The following SLC14A1 variants were observed in gnomAD, a reference collection of about 807,000 sequenced individuals.
SLC14A1 encodes urea transporter 1.
Under a neutral mutation model 39.6 loss-of-function variants are expected in SLC14A1, and 36 were observed. The ratio of observed to expected loss-of-function variants is 0.91; its 90% CI spans 0.70 to 1.20. SLC14A1 has a LOEUF of 1.20. Ranked by LOEUF, SLC14A1 falls within the 50% of genes most tolerant of loss-of-function variation. SLC14A1 has a pLI of 0.00. For missense variants in SLC14A1, 469 were observed against 478.7 expected (o/e 0.98, Z 0.19); for synonymous variants, 164 against 173.6 (o/e 0.94, Z 0.43).
intron 5 of SLC14A1, among the ~76,000 whole-genome samples, chr18:45,735,510 C>T (rs1262419709): frequency 6.6e-6 from 1 of 151,940 alleles, no homozygotes; most frequent in East Asian, 1.9e-4. Context: ...TTGACAATGT[C>T]TTACATCCTT....
chr18:45,740,411 A>G (rs917205051), intron 8 of SLC14A1, among the ~76,000 whole-genome samples: 6 of 151,968 alleles, frequency 3.9e-5, no homozygotes, highest in South Asian at 2.1e-4. Flanking sequence ...TCAGCGTCAG[A>G]GATAAGGGGA....
intron 2 of SLC14A1, among the ~76,000 whole-genome samples, chr18:45,726,251 T>C (rs2046859283): frequency 6.6e-6 from 1 of 152,184 alleles, no homozygotes; most frequent in Non-Finnish European, 1.5e-5. Flanking sequence ...TGTGGATTTT[T>C]CTGAGTCATT....
rs16978473 is a variant in SLC14A1 at position 45,734,334 on chromosome 18, T to C, written c.402T>C (p.Ala134=). The change falls in exon 5 of 10, where the codon GCT becomes GCC. Residue 134 remains alanine (A), a synonymous_variant. Transcript: ENST00000321925. ...CCACCCTGGTGGGAGTACTCATGGC[T>C]GTCTTTTCGGACAAGGGAGACTATT... is the stretch of plus-strand genomic sequence containing the variant. ...YNATLVGVLM[A]VFSDKGDYFW... 1,283 of 1,614,104 alleles carry C rather than the reference T, an allele frequency of 7.9e-4. 5 individuals are homozygous for C. In the African/African-American group the frequency reaches 0.015, roughly 18 times the overall value.
intron 5 of SLC14A1, among the ~76,000 whole-genome samples, chr18:45,735,370 G>A (rs2047162442): frequency 6.6e-6 from 1 of 152,202 alleles, no homozygotes; most frequent in South Asian, 2.1e-4. Context: ...ATTCCCACAT[G>A]ATGCTGGGAG....
chr18:45,750,320 T>A lies in SLC14A1; in HGVS notation c.*369T>A. On this transcript the variant is annotated 3_prime_UTR_variant, in exon 10 of 10. Transcript: ENST00000321925. Reference sequence around the variant, plus strand: ...TCGATGATGTTAACAGTATTAAAAATTAAACCCCATAAACCAACTAAGCCT... The same window carrying A: ...TCGATGATGTTAACAGTATTAAAAAATAAACCCCATAAACCAACTAAGCCT... 8.7e-6 allele frequency: 10 copies of A among 1,152,466 alleles called. No individual in the cohort carries two copies. The highest frequency in any genetic ancestry group is 1.1e-5 in the Non-Finnish European group (10 of 930,204). 71.4% of individuals were successfully genotyped at this position (1,152,466 alleles called of 1,614,324 possible).
intron 2 of SLC14A1, chr18:45,727,217 C>T: frequency 1.3e-6 from 2 of 1,535,618 alleles, no homozygotes; most frequent in Non-Finnish European, 1.8e-6. Context: ...CTAGGGCACA[C>T]GTCATGCTGA....
chr18:45,748,653 T>TA (rs914202475), intron 9 of SLC14A1, among the ~76,000 whole-genome samples: 13 of 151,616 alleles, frequency 8.6e-5, no homozygotes, highest in South Asian at 6.2e-4. Context: ...TTGCTTGGTT[T>TA]AAAAAAAAAT....
intron 4 of SLC14A1, 137 bp from the exon 5 acceptor site, chr18:45,734,137 T>G: frequency 8.8e-7 from 1 of 1,132,792 alleles, no homozygotes; most frequent in Non-Finnish European, 1.3e-6. Flanking sequence ...GATGCTTACG[T>G]AGACTTTGAA....
chr18:45,737,146 C>A (rs1436047721), intron 6 of SLC14A1, among the ~76,000 whole-genome samples: 3 of 152,206 alleles, frequency 2.0e-5, no homozygotes, highest in Admixed American at 1.3e-4. Flanking sequence ...ATCAGAATCA[C>A]CTGGGGAGCT....
In SLC14A1 at chr18:45,726,397, T is replaced by G. The variant is rs2046863120; in HGVS notation, c.-22+1384T>G. ...CTGGTAAAAGAGTGATATTCTTGGATGCAATGGAAGTTTTAAAAAGGAAAA... is the reference window on the plus strand; with the variant it reads ...CTGGTAAAAGAGTGATATTCTTGGAGGCAATGGAAGTTTTAAAAAGGAAAA... On this transcript the variant is annotated intron_variant, in intron 2 of 9. Transcript: ENST00000321925. Among the ~76,000 whole-genome samples, 4 of 152,300 alleles carry G rather than the reference T, an allele frequency of 2.6e-5. No homozygotes were observed. The South Asian group carries it at 8.3e-4, about 32-fold the overall frequency.
At chr18:45,733,632 ACAGAG>A (rs2047096176) in intron 4 of SLC14A1, among the ~76,000 whole-genome samples, 1 of 152,172 alleles carries the variant, frequency 6.6e-6, no homozygotes, top group Non-Finnish European at 1.5e-5. Flanking sequence ...CTAAAAGAAA[ACAGAG>A]CAGATTGCCT....
At chr18:45,732,938 C>T (rs1181402742) in intron 4 of SLC14A1, among the ~76,000 whole-genome samples, 1 of 152,200 alleles carries the variant, frequency 6.6e-6, no homozygotes, top group Non-Finnish European at 1.5e-5. Context: ...GGATTGAAAT[C>T]AAGTCCTTTG....
At chr18:45,727,459 G>C in intron 2 of SLC14A1, 3 of 1,519,542 alleles carry the variant, frequency 2.0e-6, no homozygotes, top group Non-Finnish European at 1.8e-6. Flanking sequence ...GGGAACCTGG[G>C]AGCCTGCTCC....
At chr18:45,740,784 C>T (rs567793942) in intron 8 of SLC14A1, among the ~76,000 whole-genome samples, 9 of 152,222 alleles carry the variant, frequency 5.9e-5, no homozygotes, top group Non-Finnish European at 1.0e-4. Flanking sequence ...GCAATCCTCC[C>T]GCCTCCACCT....
chr18:45,749,453 C>G (rs548115359), intron 9 of SLC14A1, among the ~76,000 whole-genome samples: 1 of 152,198 alleles, frequency 6.6e-6, no homozygotes, highest in Non-Finnish European at 1.5e-5. Context: ...GAAGACTGGT[C>G]AGGGGCCATT....
In SLC14A1 at chr18:45,739,677, C is replaced by G. The variant is rs771093247; in HGVS notation, c.946+15C>G. On this transcript the variant is annotated intron_variant, in intron 8 of 9. Coordinates refer to ENST00000321925, the MANE Select transcript of SLC14A1 (RefSeq NM_015865.7). ...TCTTGGCTGTGGTGAGTCTCCCACG[C>G]CCCTGGGGGAGGGCTGCTCATGACT... 8.1e-6 allele frequency: 13 copies of G among 1,613,998 alleles called. No individual in the cohort carries two copies. The highest frequency in any genetic ancestry group is 1.0e-5 in the Non-Finnish European group (12 of 1,179,898).
intron 3 of SLC14A1, 89 bp downstream of exon 3, chr18:45,730,560 A>G (rs937636701): frequency 4.3e-6 from 6 of 1,386,410 alleles, no homozygotes; most frequent in Non-Finnish European, 6.1e-6. Flanking sequence ...CTTTAGTTAT[A>G]TTCTCCAACT....
rs563703000 is a variant in SLC14A1, at chr18:45,750,338, C to A, written c.*387C>A. The A allele has an allele frequency of 9.0e-7, 1 of 1,106,968 alleles. No individual in the cohort carries two copies. Among genetic ancestry groups the A allele is most frequent in the Admixed American group, 4.8e-5 (1 of 20,878 alleles). 68.6% of individuals were successfully genotyped at this position (1,106,968 alleles called of 1,614,324 possible). A position where few individuals can be genotyped will look rare whatever the true frequency, so the allele number is the denominator to read the frequency against. ...TTAAAAATTAAACCCCATAAACCAA[C>A]TAAGCCTTATGGAATTCACAGTCAC... is the stretch of plus-strand genomic sequence containing the variant. On this transcript the variant is annotated 3_prime_UTR_variant, in exon 10 of 10. Transcript: ENST00000321925.
At chr18:45,725,754 G>C (rs557466314) in intron 2 of SLC14A1, among the ~76,000 whole-genome samples, 1 of 152,218 alleles carries the variant, frequency 6.6e-6, no homozygotes, top group Non-Finnish European at 1.5e-5. Flanking sequence ...CACGTACTGA[G>C]TGAATCTGGA....
Sources: gnomAD v4.1 joint callset for allele counts (sites outside exome capture counted in the v4.1 genomes callset) on GRCh38, gnomAD v4.1.1 for gene constraint, MANE v1.5 for transcripts, NCBI Gene and HGNC (gene_info 2026-07-23, HGNC 2026-07-21) for gene names.